NKAIN2: variants seen among roughly 807,000 people sequenced by gnomAD.
The protein encoded by NKAIN2 is sodium/potassium transporting ATPase interacting 2.
Under a neutral mutation model 32.6 loss-of-function variants are expected in NKAIN2, and 14 were observed. That is an observed-to-expected ratio of 0.43 (90% CI 0.28 to 0.67). NKAIN2 has a LOEUF of 0.67. NKAIN2 is among the 30% of genes least tolerant of loss of function. NKAIN2 has a pLI of 0.17. For synonymous variants in NKAIN2, 80 were observed against 87.2 expected (o/e 0.92, Z 0.46); for missense variants, 198 against 258.3 (o/e 0.77, Z 1.60).
intron 1 of NKAIN2, among the ~76,000 whole-genome samples, chr6:124,016,342 C>A (rs992093208): frequency 1.4e-4 from 22 of 152,042 alleles, no homozygotes; most frequent in African/African-American, 5.3e-4. Flanking sequence ...ATTTAAATTG[C>A]CATTTTTTAT....
intron 1 of NKAIN2, among the ~76,000 whole-genome samples, chr6:124,056,156 A>G (rs760265430): frequency 3.9e-4 from 60 of 152,140 alleles, no homozygotes; most frequent in Admixed American, 7.2e-4. Context: ...TAATAAAAGT[A>G]ATGAGGCCAT....
chr6:124,185,142 C>A (rs1219796760), intron 1 of NKAIN2, among the ~76,000 whole-genome samples: 1 of 152,084 alleles, frequency 6.6e-6, no homozygotes, highest in East Asian at 1.9e-4. Flanking sequence ...CAATGAAAGT[C>A]ATAGCAATTC....
intron 3 of NKAIN2, among the ~76,000 whole-genome samples, chr6:124,582,102 A>G (rs984765099): frequency 2.0e-5 from 3 of 152,112 alleles, no homozygotes; most frequent in Non-Finnish European, 4.4e-5. Flanking sequence ...GCGACGATAA[A>G]CAAAATCAAC....
At chr6:124,138,638 T>TAA (rs1786960820) in intron 1 of NKAIN2, among the ~76,000 whole-genome samples, 1 of 124,680 alleles carries the variant, frequency 8.0e-6, no homozygotes, top group Non-Finnish European at 1.6e-5. Flanking sequence ...AATAATAGGA[T>TAA]AATTATTATT....
rs1157318311 is a variant in NKAIN2 at position 124,823,241 on chromosome 6, T to G, written c.*12T>G. ...TCAGGTCAAAATAATACAGATGACT[T>G]CAGTATGTCAGCCCATGGACCTTTC... is the stretch of plus-strand genomic sequence containing the variant. On this transcript the variant is annotated 3_prime_UTR_variant, in exon 7 of 7. Transcript: ENST00000368417. The G allele has an allele frequency of 3.8e-6, 6 of 1,586,912 alleles. No homozygotes were observed. The highest frequency in any genetic ancestry group is 5.2e-6 in the Non-Finnish European group (6 of 1,154,866).
At chr6:124,169,160 C>T (rs1211426303) in intron 1 of NKAIN2, among the ~76,000 whole-genome samples, 1 of 151,906 alleles carries the variant, frequency 6.6e-6, no homozygotes, top group African/African-American at 2.4e-5. Flanking sequence ...GCACTGTGCA[C>T]CCAAAGATAT....
At chr6:124,734,408 T>C (rs1776839516) in intron 4 of NKAIN2, among the ~76,000 whole-genome samples, 1 of 151,860 alleles carries the variant, frequency 6.6e-6, no homozygotes, top group Non-Finnish European at 1.5e-5. Flanking sequence ...GTCATCTTTT[T>C]AAGTGTAGTT....
chr6:124,303,617 G>T (rs1450375060), intron 2 of NKAIN2, among the ~76,000 whole-genome samples: 1 of 152,252 alleles, frequency 6.6e-6, no homozygotes, highest in Non-Finnish European at 1.5e-5. Context: ...AGGAAGCATT[G>T]CTGGGACTGG....
intron 1 of NKAIN2, among the ~76,000 whole-genome samples, chr6:124,160,775 T>G (rs1390275240): frequency 6.6e-6 from 1 of 152,192 alleles, no homozygotes; most frequent in African/African-American, 2.4e-5. Flanking sequence ...TGTTTTAATT[T>G]TTTTAGAATA....
intron 4 of NKAIN2, among the ~76,000 whole-genome samples, chr6:124,719,456 C>T (rs1022203953): frequency 6.6e-6 from 1 of 152,158 alleles, no homozygotes; most frequent in African/African-American, 2.4e-5. Flanking sequence ...TTGTGCCTAC[C>T]AGGCAGCCAT....
chr6:124,321,147 G>A (rs1044501328), intron 2 of NKAIN2, among the ~76,000 whole-genome samples: 1 of 152,096 alleles, frequency 6.6e-6, no homozygotes, highest in Admixed American at 6.6e-5. Flanking sequence ...TCTAACCGTG[G>A]CAATCCTGCC....
chr6:124,581,900 G>T (rs1046509414), intron 3 of NKAIN2, among the ~76,000 whole-genome samples: 2 of 152,032 alleles, frequency 1.3e-5, no homozygotes, highest in African/African-American at 4.8e-5. Flanking sequence ...AGCTATACGT[G>T]CCTACATTTA....
At chr6:124,647,381 T>G (rs1365606136) in intron 3 of NKAIN2, among the ~76,000 whole-genome samples, 1 of 145,950 alleles carries the variant, frequency 6.9e-6, no homozygotes, top group Admixed American at 7.3e-5. Context: ...ACCCTGTCTC[T>G]ACTAAAAATA....
At chr6:124,723,389 A>C (rs1421453439) in intron 4 of NKAIN2, among the ~76,000 whole-genome samples, 2 of 151,846 alleles carry the variant, frequency 1.3e-5, no homozygotes, top group African/African-American at 4.8e-5. Flanking sequence ...AGTATCACAT[A>C]TATAATGATA....
chr6:123,883,913 A>AAAAG, intron 1 of NKAIN2, among the ~76,000 whole-genome samples: 1 of 150,624 alleles, frequency 6.6e-6, no homozygotes, highest in African/African-American at 2.4e-5. Context: ...AAAAAAAAAA[A>AAAAG]AAAATTACCT....
At chr6:124,566,744 C>CT (rs1780928305) in intron 3 of NKAIN2, among the ~76,000 whole-genome samples, 1 of 152,022 alleles carries the variant, frequency 6.6e-6, no homozygotes, top group East Asian at 1.9e-4. Context: ...AAGAATTAAA[C>CT]TAAGATGAGC....
At chr6:124,559,834 ATTTTTTTT>A (rs55701016) in intron 3 of NKAIN2, among the ~76,000 whole-genome samples, 2 of 73,762 alleles carry the variant, frequency 2.7e-5, no homozygotes, top group Non-Finnish European at 4.7e-5. Context: ...GAAATAAACC[ATTTTTTTT>A]TTTTTTTTTT....
intron 1 of NKAIN2, among the ~76,000 whole-genome samples, chr6:124,007,871 C>T (rs1465321462): frequency 2.6e-5 from 4 of 152,204 alleles, no homozygotes; most frequent in South Asian, 2.1e-4. Context: ...TTCACTGAGC[C>T]ACACTCTATG....
chr6:123,848,266 G>C (rs1329659055), intron 1 of NKAIN2, among the ~76,000 whole-genome samples: 4 of 152,204 alleles, frequency 2.6e-5, no homozygotes, highest in African/African-American at 9.7e-5. Flanking sequence ...TGAAGAATCT[G>C]TAGACCACTG....
Sources: gnomAD v4.1 joint callset for allele counts (sites outside exome capture counted in the v4.1 genomes callset) on GRCh38, gnomAD v4.1.1 for gene constraint, MANE v1.5 for transcripts, NCBI Gene and HGNC (gene_info 2026-07-23, HGNC 2026-07-21) for gene names.